The following DOCK3 variants were observed in gnomAD, a reference collection of about 807,000 sequenced individuals.
DOCK3 encodes dedicator of cytokinesis 3.
In DOCK3, 60 loss-of-function variants were observed where a neutral mutation model predicts 265.6. That is an observed-to-expected ratio of 0.23 (90% CI 0.18 to 0.28). The LOEUF (loss-of-function observed/expected upper bound fraction) is 0.28. DOCK3 is among the 10% of genes least tolerant of loss of function. The pLI is 1.00. For missense variants in DOCK3, 1,981 were observed against 2,594.3 expected (o/e 0.76, Z 5.14); for synonymous variants, 881 against 938.0 (o/e 0.94, Z 1.11).
At chr3:50,848,397 T>C (rs567774823) in intron 3 of DOCK3, among the ~76,000 whole-genome samples, 2 of 152,342 alleles carry the variant, frequency 1.3e-5, no homozygotes, top group Admixed American at 6.5e-5. Context: ...ATAGGCTATA[T>C]ACTTAAGTGT....
chr3:50,754,866 A>G (rs1227190796), intron 1 of DOCK3, among the ~76,000 whole-genome samples: 1 of 152,082 alleles, frequency 6.6e-6, no homozygotes, highest in African/African-American at 2.4e-5. Context: ...GCCCGTTTTC[A>G]CTTTTGACAA....
chr3:51,289,038 G>A (rs2081584409), intron 27 of DOCK3, among the ~76,000 whole-genome samples: 1 of 151,906 alleles, frequency 6.6e-6, no homozygotes, highest in Non-Finnish European at 1.5e-5. Context: ...CTTAGGACAG[G>A]AGTGACAAAA....
chr3:51,348,562 A>G (rs903989761), intron 38 of DOCK3, among the ~76,000 whole-genome samples: 1 of 152,216 alleles, frequency 6.6e-6, no homozygotes, highest in Non-Finnish European at 1.5e-5. Flanking sequence ...AGATAACTTC[A>G]TAGTAACAGA....
At chr3:51,333,312 G>C in intron 35 of DOCK3, 59 bp downstream of exon 35, 1 of 1,538,100 alleles carries the variant, frequency 6.5e-7, no homozygotes, top group Non-Finnish European at 8.9e-7. Context: ...TCTGGCAAGG[G>C]AATCCCCCTG....
At chr3:51,087,929 TA>T (rs1278723457) in intron 7 of DOCK3, among the ~76,000 whole-genome samples, 6 of 152,088 alleles carry the variant, frequency 3.9e-5, no homozygotes, top group Non-Finnish European at 7.4e-5. Context: ...AATCAGTATA[TA>T]AATGAGACAC....
At chr3:51,115,568 G>A (rs2083699157) in intron 9 of DOCK3, among the ~76,000 whole-genome samples, 2 of 152,146 alleles carry the variant, frequency 1.3e-5, no homozygotes, top group African/African-American at 4.8e-5. Flanking sequence ...AGGTAGATGG[G>A]AAAAATTTTC....
At chr3:50,803,056 GTATT>G (rs546247727) in intron 2 of DOCK3, among the ~76,000 whole-genome samples, 280 of 147,958 alleles carry the variant, frequency 1.9e-3, no homozygotes, top group Non-Finnish European at 2.4e-3. Flanking sequence ...ATGTATTTAT[GTATT>G]TATTTATTTA....
chr3:51,305,875 G>A (rs1272062873), intron 27 of DOCK3, among the ~76,000 whole-genome samples: 3 of 99,890 alleles, frequency 3.0e-5, no homozygotes, highest in South Asian at 7.0e-4. Flanking sequence ...GTCTTGCCCC[G>A]TCACACAGGC....
At chr3:50,854,592 G>GTTTTTTTTTTTTTTGTTTTTTT (rs2046497747) in intron 3 of DOCK3, among the ~76,000 whole-genome samples, 1 of 47,214 alleles carries the variant, frequency 2.1e-5, no homozygotes, top group African/African-American at 8.5e-5. Flanking sequence ...CATCACACCA[G>GTTTTTTTTTTTTTTGTTTTTTT]TTTTTTTTTT....
intron 12 of DOCK3, among the ~76,000 whole-genome samples, chr3:51,179,974 G>A (rs1279513163): frequency 6.6e-6 from 1 of 151,940 alleles, no homozygotes; most frequent in African/African-American, 2.4e-5. Context: ...TTGGGAGGCC[G>A]AGGTGGGTGG....
intron 12 of DOCK3, among the ~76,000 whole-genome samples, chr3:51,188,466 C>A: frequency 6.6e-6 from 1 of 152,066 alleles, no homozygotes; most frequent in South Asian, 2.1e-4. Context: ...GGGTGTCCAC[C>A]ACGCAAGTAC....
intron 2 of DOCK3, among the ~76,000 whole-genome samples, chr3:50,797,195 G>A (rs1236020789): frequency 6.6e-6 from 1 of 152,190 alleles, no homozygotes; most frequent in Non-Finnish European, 1.5e-5. Context: ...GGTATGGCTG[G>A]GGGGAGGTTG....
intron 38 of DOCK3, among the ~76,000 whole-genome samples, chr3:51,346,537 C>T (rs1041527465): frequency 1.3e-5 from 2 of 152,042 alleles, no homozygotes; most frequent in African/African-American, 4.8e-5. Context: ...TCCAGTCTAT[C>T]ATTGATGGAC....
At chr3:50,724,080 A>G (rs995531118) in intron 1 of DOCK3, among the ~76,000 whole-genome samples, 1 of 152,226 alleles carries the variant, frequency 6.6e-6, no homozygotes, top group Non-Finnish European at 1.5e-5. Flanking sequence ...GTAGCCAACA[A>G]ACTTATGAAA....
chr3:50,842,267 CACTT>C (rs1478988592), intron 3 of DOCK3, among the ~76,000 whole-genome samples: 2 of 152,072 alleles, frequency 1.3e-5, no homozygotes, highest in Non-Finnish European at 2.9e-5. Context: ...TATTTGCAAA[CACTT>C]CTTTCTGCAT....
chr3:51,337,466 C>T (rs2084947751), intron 35 of DOCK3, among the ~76,000 whole-genome samples: 2 of 152,152 alleles, frequency 1.3e-5, no homozygotes, highest in Admixed American at 1.3e-4. Flanking sequence ...TCTGTATAAA[C>T]CCCTTTCTGC....
At chr3:51,245,565 G>T (rs1269545558) in intron 21 of DOCK3, among the ~76,000 whole-genome samples, 3 of 151,500 alleles carry the variant, frequency 2.0e-5, no homozygotes, top group Non-Finnish European at 4.4e-5. Flanking sequence ...TAATTTTTTT[G>T]TATTTTTAGT....
At chr3:51,249,652 G>A (rs1480756882) in intron 22 of DOCK3, among the ~76,000 whole-genome samples, 1 of 122,338 alleles carries the variant, frequency 8.2e-6, no homozygotes, top group African/African-American at 3.1e-5. Flanking sequence ...GGGAGGTGGG[G>A]GGGGGTCAGC....
intron 12 of DOCK3, among the ~76,000 whole-genome samples, chr3:51,170,813 C>T (rs181303258): frequency 6.6e-4 from 101 of 151,970 alleles, no homozygotes; most frequent in African/African-American, 2.4e-3. Flanking sequence ...TATGGTAGCA[C>T]ACACCTGTAA....
Sources: gnomAD v4.1 joint callset for allele counts (sites outside exome capture counted in the v4.1 genomes callset) on GRCh38, gnomAD v4.1.1 for gene constraint, MANE v1.5 for transcripts, NCBI Gene and HGNC (gene_info 2026-07-23, HGNC 2026-07-21) for gene names.